Variants in SLC25A23 observed in about 807,000 individuals in gnomAD.
The protein encoded by SLC25A23 is solute carrier family 25 member 23, also known as mitochondrial adenyl nucleotide antiporter SLC25A23.
Under a neutral mutation model 53.9 loss-of-function variants are expected in SLC25A23, and 32 were observed. That is an observed-to-expected ratio of 0.59 (90% CI 0.45 to 0.80). The LOEUF is 0.80. SLC25A23 is among the 30% of genes least tolerant of loss of function. The probability of loss-of-function intolerance (pLI) is 0.00; values close to 1 mark genes in which losing one functional copy is unlikely to be tolerated. For missense variants in SLC25A23, 575 were observed against 651.4 expected, an observed-to-expected ratio of 0.88 and a Z score of 1.28; for synonymous variants, 275 against 264.5, an observed-to-expected ratio of 1.04 and a Z score of -0.38.
chr19:6,444,412 C>T, intron 8 of SLC25A23, 111 bp from the exon 9 acceptor site: 1 of 1,192,942 alleles, frequency 8.4e-7, no homozygotes. Context: ...TAGCTGAGCA[C>T]TTGGTACCTC....
At chr19:6,436,621 C>T (rs1383665742), downstream of SLC25A23, among the ~76,000 whole-genome samples, 1 of 151,700 alleles carries the variant, frequency 6.6e-6, no homozygotes, top group Non-Finnish European at 1.5e-5. Context: ...ACAATCTCGA[C>T]TCACTGCAAC....
intron 8 of SLC25A23, 75 bp downstream of exon 8, chr19:6,452,237 A>G (rs1421810886): frequency 3.5e-5 from 53 of 1,531,160 alleles, no homozygotes; most frequent in Non-Finnish European, 4.5e-5. Context: ...AGCCAGCCCC[A>G]GGGGAAGGGG....
intron 7 of SLC25A23, among the ~76,000 whole-genome samples, chr19:6,453,429 G>A (rs183108696): frequency 4.4e-4 from 67 of 151,786 alleles, no homozygotes; most frequent in African/African-American, 1.5e-3. Context: ...TAGTAGAGAC[G>A]GTATTTCACC....
downstream of SLC25A23, chr19:6,438,685 C>A: frequency 4.7e-6 from 1 of 214,778 alleles, no homozygotes; most frequent in South Asian, 4.7e-5. Flanking sequence ...CTGGTCTCTA[C>A]TAAAAATACA....
At chr19:6,439,249 G>A (rs146034278), downstream of SLC25A23, among the ~76,000 whole-genome samples, 128 of 151,924 alleles carry the variant, frequency 8.4e-4, no homozygotes, top group African/African-American at 2.8e-3. Context: ...ATAACGGTGC[G>A]TGTGCCTGCG....
downstream of SLC25A23, among the ~76,000 whole-genome samples, chr19:6,439,397 T>A (rs62107581): frequency 0.098 from 10,191 of 103,594 alleles, 787 homozygotes; most frequent in African/African-American, 0.31. Context: ...TCTCTCTCTC[T>A]CTCACACACA....
At chr19:6,445,904 C>CACAAACAA (rs758671042) in intron 8 of SLC25A23, among the ~76,000 whole-genome samples, 1 of 139,668 alleles carries the variant, frequency 7.2e-6, no homozygotes, top group Non-Finnish European at 1.5e-5. Flanking sequence ...CAAACAAACA[C>CACAAACAA]ACAAACAAAC....
At chr19:6,443,748 G>C (rs2092461285) in intron 9 of SLC25A23, 1 of 630,570 alleles carries the variant, frequency 1.6e-6, no homozygotes, top group Non-Finnish European at 2.8e-6. Flanking sequence ...TGGTGGAGGG[G>C]ACGGGGGGAA....
In SLC25A23 at chr19:6,441,727, G is replaced by A; in HGVS notation, c.*248C>T. On this transcript the variant is annotated 3_prime_UTR_variant, in exon 10 of 10. Coordinates refer to ENST00000301454, the MANE Select transcript of SLC25A23 (RefSeq NM_024103.3). ...AAGGGATCCACAGTTATGGTTACAGGGGGATCTGGGATCTAGTGGCTGAAG... is the reference window on the plus strand; with the variant it reads ...AAGGGATCCACAGTTATGGTTACAGAGGGATCTGGGATCTAGTGGCTGAAG... The A allele has an allele frequency of 1.8e-6, 1 of 544,764 alleles. No individual in the cohort carries two copies. The highest frequency in any genetic ancestry group is 3.3e-6 in the Non-Finnish European group (1 of 302,172). 33.7% of individuals were successfully genotyped at this position (544,764 alleles called of 1,614,324 possible).
In SLC25A23 at chr19:6,459,717, G is replaced by T. The variant is rs1370013827; in HGVS notation, c.-89C>A. 240 of 1,126,348 alleles carry T rather than the reference G, an allele frequency of 2.1e-4. 2 individuals are homozygous for T. The highest frequency in any genetic ancestry group is 7.8e-6 in the Non-Finnish European group (7 of 898,146). The allele number at this position is 1,126,348 out of a possible 1,614,324, so 69.8% of individuals were successfully genotyped here. A position where few individuals can be genotyped will look rare whatever the true frequency, so the allele number is the denominator to read the frequency against. On this transcript the variant is annotated 5_prime_UTR_variant, in exon 1 of 10. Transcript: ENST00000301454. This position sits in a 1 kb window ranked among gnomAD's most constrained non-coding sequence, Gnocchi z 4.6. ...CCCCTCCCCCCCCGGGACCCCGCAG[G>T]GTCAGCTCCCGCGGCCGCCGGCTCC...
intron 8 of SLC25A23, among the ~76,000 whole-genome samples, chr19:6,448,856 T>C (rs2092545209): frequency 6.6e-6 from 1 of 150,914 alleles, no homozygotes; most frequent in Admixed American, 6.6e-5. Flanking sequence ...AAACCCCGTC[T>C]CTACTAAAAA....
chr19:6,437,233 C>T (rs531042141), downstream of SLC25A23, among the ~76,000 whole-genome samples: 1 of 152,196 alleles, frequency 6.6e-6, no homozygotes, highest in Admixed American at 6.6e-5. Flanking sequence ...GTCTCAAACT[C>T]CTGGCCTCAA....
chr19:6,444,070 C>T, intron 9 of SLC25A23, 81 bp downstream of exon 9: 1 of 1,411,346 alleles, frequency 7.1e-7, no homozygotes, highest in Non-Finnish European at 9.3e-7. Context: ...CAGGAGGGTC[C>T]CAGCCCAGGG....
chr19:6,452,161 G>A (rs950232215), intron 8 of SLC25A23, 151 bp downstream of exon 8: 11 of 1,105,690 alleles, frequency 9.9e-6, no homozygotes, highest in Non-Finnish European at 1.4e-5. Flanking sequence ...GGGTTCCCCA[G>A]GATTCCCAGG....
rs747086152 is a variant in SLC25A23, at chr19:6,454,024, G to A, written c.860C>T (p.Ser287Phe). The A allele has an allele frequency of 6.2e-7, 1 of 1,613,532 alleles. No homozygotes were observed. The highest frequency in any genetic ancestry group is 2.2e-5 in the East Asian group (1 of 44,892). ...GGTTTGGGCTGTGGCACCAGCCAGGGAGCCAGCCACGAAGCGCTCCTGCAC... is the reference window on the plus strand; with the variant it reads ...GGTTTGGGCTGTGGCACCAGCCAGGAAGCCAGCCACGAAGCGCTCCTGCAC... ...LHVQERFVAG[S>F]LAGATAQTII... is the part of the protein sequence containing the mutation. The change falls in exon 7 of 10, where the codon TCC (serine) becomes TTC (phenylalanine). Residue 287 changes from serine to phenylalanine, a missense_variant. By Grantham distance (155) the Ser-to-Phe change is radical. Transcript: ENST00000301454. The surrounding 1 kb of genome is among the most constrained non-coding windows in gnomAD (Gnocchi z 4.3).
Position 6,452,426 on chromosome 19 carries a change from C to G in SLC25A23, c.957G>C (p.Leu319=). The G allele has an allele frequency of 1.2e-6, 2 of 1,613,944 alleles. No homozygotes were observed. Among genetic ancestry groups the G allele is most frequent in the South Asian group, 2.2e-5 (2 of 91,048 alleles). The change falls in exon 8 of 10, where the codon CTG becomes CTC. Residue 319 remains leucine, a synonymous_variant. Transcript: ENST00000301454. ...TCTCCAGGATACGCCTGGCGCAGTC[C>G]AGCAGCCCCTTATACTGGCCCGTCC... is the stretch of plus-strand genomic sequence containing the variant. ...LRRTGQYKGL[L]DCARRILERE...
Position 6,442,161 on chromosome 19 carries a change from T to TGGGAGG in SLC25A23, c.1223-8_1223-3dup. ...GCTGGGGGCCACCCTCGATGGAGGC[T>TGGGAGG]GGGAGGGGGCGGGGGGGGCACCAGG... On this transcript the variant is annotated splice_region_variant and splice_polypyrimidine_tract_variant and intron_variant, in intron 9 of 9. Coordinates refer to ENST00000301454, the MANE Select transcript of SLC25A23 (RefSeq NM_024103.3). 1.3e-6 allele frequency: 1 copy of TGGGAGG among 747,922 alleles called. No individual in the cohort carries two copies. Among genetic ancestry groups the TGGGAGG allele is most frequent in the Non-Finnish European group, 2.0e-6 (1 of 504,228 alleles). 46.3% of individuals were successfully genotyped at this position (747,922 alleles called of 1,614,324 possible).
Position 6,442,099 on chromosome 19 carries a change from T to C in SLC25A23, c.1283A>G (p.Gln428Arg). The change falls in exon 10 of 10, where the codon CAG becomes CGG. Residue 428 changes from glutamine to arginine, a missense_variant. By Grantham distance (43) the Gln-to-Arg change is conservative (BLOSUM62 1). Coordinates refer to ENST00000301454, the MANE Select transcript of SLC25A23 (RefSeq NM_024103.3). Reference sequence around the variant, plus strand: ...CCGGTAGAGGCCCCGCATGCCCTCCTGGGACAGGATGTGACGTAGCAGACC... The same window carrying C: ...CCGGTAGAGGCCCCGCATGCCCTCCCGGGACAGGATGTGACGTAGCAGACC... The part of the protein sequence containing the change: ...MLGLLRHILS[Q>R]EGMRGLYRGI... 7 of 1,580,308 alleles carry C rather than the reference T, an allele frequency of 4.4e-6. No individual in the cohort carries two copies. Among genetic ancestry groups the C allele is most frequent in the Non-Finnish European group, 6.0e-6 (7 of 1,163,330 alleles).
downstream of SLC25A23, among the ~76,000 whole-genome samples, chr19:6,439,397 TCTCACA>T (rs1290323357): frequency 9.6e-5 from 10 of 104,232 alleles, no homozygotes; most frequent in African/African-American, 3.6e-4. Context: ...TCTCTCTCTC[TCTCACA>T]CACACACACA....
Sources: allele counts gnomAD v4.1 joint callset (sites outside exome capture counted in the v4.1 genomes callset), GRCh38; gene constraint gnomAD v4.1.1; non-coding constraint Gnocchi (gnomAD v3.1); transcripts MANE v1.5; gene names NCBI Gene and HGNC (gene_info 2026-07-23, HGNC 2026-07-21).